The following OR5K1 variants were observed in gnomAD, a reference collection of about 807,000 sequenced individuals.
OR5K1 encodes the protein olfactory receptor 5K1.
Under a neutral mutation model 10.4 loss-of-function variants are expected in OR5K1, and 7 were observed. The ratio of observed to expected loss-of-function variants is 0.67; its 90% CI spans 0.38 to 1.26. OR5K1 has a LOEUF of 1.26. Among genes scored for constraint, OR5K1 ranks in the 50% most tolerant of loss-of-function variants. The probability of loss-of-function intolerance (pLI) is 0.02; values close to 1 mark genes in which losing one functional copy is unlikely to be tolerated. For synonymous variants in OR5K1, 135 were observed against 128.5 expected (o/e 1.05, Z -0.34); for missense variants, 435 against 366.2 (o/e 1.19, Z -1.53).
At position 98,471,524 on chromosome 3, in the gene OR5K1, A is replaced by G. The variant is rs1576239489; in HGVS notation, c.*1021A>G. 6.6e-6 allele frequency: 1 copy of G among 152,034 alleles called. No individual in the cohort carries two copies. The highest frequency in any genetic ancestry group is 2.4e-5 in the African/African-American group (1 of 41,418). 9.4% of individuals were successfully genotyped at this position (152,034 alleles called of 1,614,324 possible). On this transcript the variant is annotated 3_prime_UTR_variant, in exon 2 of 2. Coordinates refer to ENST00000642057, the MANE Select transcript of OR5K1 (RefSeq NM_001004736.4). ...TTATTCACTCAACATATATTTATTGAAATCCTGCTATAGGTAGGCATTGTT... is the reference window on the plus strand; with the variant it reads ...TTATTCACTCAACATATATTTATTGGAATCCTGCTATAGGTAGGCATTGTT...
chr3:98,464,670 A>G (rs544795648), intron 1 of OR5K1, among the ~76,000 whole-genome samples: 2 of 152,336 alleles, frequency 1.3e-5, no homozygotes, highest in East Asian at 1.9e-4. Flanking sequence ...ATAAATGTGA[A>G]CACCCTAGAA....
At position 98,471,819 on chromosome 3, in the gene OR5K1, G is replaced by A. The variant is rs1705451118; in HGVS notation, c.*1316G>A. 2 of 151,976 alleles carry A rather than the reference G, an allele frequency of 1.3e-5. No individual in the cohort carries two copies. The highest frequency in any genetic ancestry group is 4.8e-5 in the African/African-American group (2 of 41,390). 9.4% of individuals were successfully genotyped at this position (151,976 alleles called of 1,614,324 possible). A position where few individuals can be genotyped will look rare whatever the true frequency, so the allele number is the denominator to read the frequency against. On this transcript the variant is annotated 3_prime_UTR_variant, in exon 2 of 2. Coordinates refer to ENST00000642057, the MANE Select transcript of OR5K1 (RefSeq NM_001004736.4). ...AGTCTGTACAGAAAAAGTAATAGGAGAGCAGATGAATTTCCAATTCCCTAA... is the reference window on the plus strand; with the variant it reads ...AGTCTGTACAGAAAAAGTAATAGGAAAGCAGATGAATTTCCAATTCCCTAA...
At chr3:98,467,113 C>G (rs1279820791) in intron 1 of OR5K1, among the ~76,000 whole-genome samples, 4 of 104,890 alleles carry the variant, frequency 3.8e-5, no homozygotes, top group African/African-American at 1.9e-4. Flanking sequence ...CAGCTTTCTA[C>G]CTATGGCTAT....
intron 1 of OR5K1, among the ~76,000 whole-genome samples, chr3:98,466,097 G>A (rs1023199371): frequency 2.0e-5 from 3 of 150,944 alleles, no homozygotes; most frequent in African/African-American, 4.9e-5. Context: ...CCCTTCCTGT[G>A]TCCATGTGAT....
intron 1 of OR5K1, among the ~76,000 whole-genome samples, chr3:98,463,907 A>G (rs1038394089): frequency 6.6e-6 from 1 of 152,184 alleles, no homozygotes; most frequent in African/African-American, 2.4e-5. Context: ...GCAGTTAATG[A>G]AAAAGTTATT....
In OR5K1 at chr3:98,467,070, T is replaced by G. The variant is rs1705384222; in HGVS notation, c.-11-2496T>G. Among the ~76,000 whole-genome samples the G allele has an allele frequency of 2.0e-5, 2 of 100,568 alleles. 1 individual carries two copies. The allele number at this position is 100,568 out of a possible 152,430, so 66.0% of individuals were successfully genotyped here. A position where few individuals can be genotyped will look rare whatever the true frequency, so the allele number is the denominator to read the frequency against. On this transcript the variant is annotated intron_variant, in intron 1 of 1. Transcript: ENST00000642057. ...AATCTTTAATCCATCTTGAATTGAT[T>G]TTTGTATAAGCTGTAAGGAAGGGAT...
At chr3:98,464,099 ACAAAAAATAAATAGCCAAGCAGGTGGCG>A (rs1262546796) in intron 1 of OR5K1, among the ~76,000 whole-genome samples, 6 of 151,990 alleles carry the variant, frequency 3.9e-5, no homozygotes, top group Non-Finnish European at 5.9e-5. Context: ...TGCTAAAAAT[ACAAAAAATAAATAGCCAAGCAGGTGGCG>A]CATGCCTGTA....
rs1159869255 is a variant in OR5K1, at chr3:98,470,335, A to C, written c.759A>C (p.Gly253=). Residue 253 remains glycine, a synonymous_variant, in exon 2 of 2, where the codon GGA becomes GGC. Transcript: ENST00000642057. ...SHFLSVSLFY[G]SLFFMYVRPN... ...TTTTGTCAGTTTCATTATTCTATGGATCTCTTTTCTTCATGTACGTTAGAC... is the reference window on the plus strand; with the variant it reads ...TTTTGTCAGTTTCATTATTCTATGGCTCTCTTTTCTTCATGTACGTTAGAC... The C allele has an allele frequency of 1.9e-6, 3 of 1,613,228 alleles. No homozygotes were observed. Among genetic ancestry groups the C allele is most frequent in the Non-Finnish European group, 1.7e-6 (2 of 1,179,566 alleles).
intron 1 of OR5K1, among the ~76,000 whole-genome samples, chr3:98,466,901 T>C (rs1484892516): frequency 8.3e-6 from 1 of 120,380 alleles, no homozygotes; most frequent in Admixed American, 8.0e-5. Flanking sequence ...CTCTTTAGTT[T>C]AATTAGATCC....
chr3:98,464,627 T>C (rs747304293), intron 1 of OR5K1, among the ~76,000 whole-genome samples: 1 of 152,196 alleles, frequency 6.6e-6, no homozygotes, highest in Non-Finnish European at 1.5e-5. Context: ...AATGAGTAGA[T>C]AATGAAAGTT....
chr3:98,468,753 A>T (rs564005760), intron 1 of OR5K1, among the ~76,000 whole-genome samples: 2 of 152,112 alleles, frequency 1.3e-5, no homozygotes, highest in Non-Finnish European at 2.9e-5. Context: ...CCTTTTGACT[A>T]TTATGAATAA....
intron 1 of OR5K1, among the ~76,000 whole-genome samples, chr3:98,464,626 A>G (rs895935910): frequency 6.6e-6 from 1 of 152,230 alleles, no homozygotes; most frequent in Non-Finnish European, 1.5e-5. Context: ...TAATGAGTAG[A>G]TAATGAAAGT....
At chr3:98,467,315 G>C (rs2107089705) in intron 1 of OR5K1, among the ~76,000 whole-genome samples, 1 of 42,906 alleles carries the variant, frequency 2.3e-5, no homozygotes, top group African/African-American at 1.7e-4. Context: ...TTGTAGTATA[G>C]TTTGAAGTCA....
intron 1 of OR5K1, among the ~76,000 whole-genome samples, chr3:98,469,308 G>A (rs896536803): frequency 2.0e-5 from 3 of 152,058 alleles, no homozygotes; most frequent in African/African-American, 7.2e-5. Context: ...AGGACAGAGA[G>A]ACTGAAAAAC....
chr3:98,463,351 A>T (rs925300225), intron 1 of OR5K1, 44 bp downstream of exon 1: 2 of 152,186 alleles, frequency 1.3e-5, no homozygotes, highest in Non-Finnish European at 2.9e-5. Flanking sequence ...AATATTAATG[A>T]CATGAAACGT....
rs890178332 is a variant in OR5K1, at chr3:98,472,668, T to C, written c.*2165T>C. ...AGACTCTGTCTTAGTCTATTCTCTC[T>C]GTCTGGAATATCAAAGGTATGCTCA... On this transcript the variant is annotated 3_prime_UTR_variant, in exon 2 of 2. Transcript: ENST00000642057. 3.3e-5 allele frequency: 5 copies of C among 151,982 alleles called. No individual in the cohort carries two copies. Among genetic ancestry groups the C allele is most frequent in the Non-Finnish European group, 7.4e-5 (5 of 67,950 alleles). The allele number at this position is 151,982 out of a possible 1,614,324, so 9.4% of individuals were successfully genotyped here.
rs753846687 is a variant in OR5K1 at position 98,471,994 on chromosome 3, A to G, written c.*1491A>G. 1 of 151,930 alleles carries G rather than the reference A, an allele frequency of 6.6e-6. No individual in the cohort carries two copies. Among genetic ancestry groups the G allele is most frequent in the Non-Finnish European group, 1.5e-5 (1 of 67,932 alleles). The allele number at this position is 151,930 out of a possible 1,614,324, so 9.4% of individuals were successfully genotyped here. A position where few individuals can be genotyped will look rare whatever the true frequency, so the allele number is the denominator to read the frequency against. ...ATTTAGGATTTACCCAACACTACCTACATCCTTCCTTCATCACATATAGGT... is the reference window on the plus strand; with the variant it reads ...ATTTAGGATTTACCCAACACTACCTGCATCCTTCCTTCATCACATATAGGT... On this transcript the variant is annotated 3_prime_UTR_variant, in exon 2 of 2. Coordinates refer to ENST00000642057, the MANE Select transcript of OR5K1 (RefSeq NM_001004736.4).
intron 1 of OR5K1, among the ~76,000 whole-genome samples, chr3:98,464,636 T>C (rs1461979020): frequency 6.6e-6 from 1 of 152,300 alleles, no homozygotes; most frequent in Admixed American, 6.5e-5. Flanking sequence ...ATAATGAAAG[T>C]TTTTAAAATA....
intron 1 of OR5K1, among the ~76,000 whole-genome samples, chr3:98,465,155 T>A (rs1470394764): frequency 6.6e-6 from 1 of 152,230 alleles, no homozygotes; most frequent in African/African-American, 2.4e-5. Flanking sequence ...TAGTAATATT[T>A]TGATGTATTG....
Sources: allele counts gnomAD v4.1 joint callset (sites outside exome capture counted in the v4.1 genomes callset), GRCh38; gene constraint gnomAD v4.1.1; transcripts MANE v1.5; gene names NCBI Gene and HGNC (gene_info 2026-07-23, HGNC 2026-07-21).